Variants in ROBO2 observed in about 807,000 individuals in gnomAD.
ROBO2 encodes the protein roundabout homolog 2.
In ROBO2, 53 loss-of-function variants were observed where a neutral mutation model predicts 160.8. That is an observed-to-expected ratio of 0.33 (90% CI 0.26 to 0.41). The LOEUF (loss-of-function observed/expected upper bound fraction) is 0.41. ROBO2 is among the 10% of genes least tolerant of loss of function. The probability of loss-of-function intolerance (pLI) is 1.00; values close to 1 mark genes in which losing one functional copy is unlikely to be tolerated. For missense variants in ROBO2, 1,577 were observed against 1,722.4 expected (o/e 0.92, Z 1.49); for synonymous variants, 664 against 611.7 (o/e 1.09, Z -1.26).
chr3:76,706,902 G>A (rs2093174298), intron 2 of ROBO2, among the ~76,000 whole-genome samples: 2 of 152,048 alleles, frequency 1.3e-5, no homozygotes, highest in African/African-American at 2.4e-5. Flanking sequence ...AAACCAATGT[G>A]ATAAGTTAAT....
chr3:76,927,028 A>G (rs978450235), intron 2 of ROBO2, among the ~76,000 whole-genome samples: 1 of 152,160 alleles, frequency 6.6e-6, no homozygotes, highest in Non-Finnish European at 1.5e-5. Flanking sequence ...GGAACACATG[A>G]GATTACTGAC....
chr3:76,721,443 T>C (rs534464336), intron 2 of ROBO2, among the ~76,000 whole-genome samples: 60 of 152,334 alleles, frequency 3.9e-4, no homozygotes, highest in African/African-American at 1.3e-3. Context: ...TGTGATATAT[T>C]AGTAGTCAGA....
At chr3:76,298,180 G>A (rs1018752979) in intron 2 of ROBO2, among the ~76,000 whole-genome samples, 2 of 152,152 alleles carry the variant, frequency 1.3e-5, no homozygotes, top group Non-Finnish European at 2.9e-5. Flanking sequence ...TTAGCAAAAT[G>A]TAGTGACTAT....
At chr3:76,131,400 C>G (rs529418765) in intron 2 of ROBO2, among the ~76,000 whole-genome samples, 27 of 152,106 alleles carry the variant, frequency 1.8e-4, no homozygotes, top group Middle Eastern at 6.9e-3. Flanking sequence ...TACGACTGTT[C>G]CTTAGGTCAA....
At chr3:76,190,931 G>C (rs1318739577) in intron 2 of ROBO2, among the ~76,000 whole-genome samples, 6 of 151,982 alleles carry the variant, frequency 3.9e-5, no homozygotes. Flanking sequence ...TGATTGCTTA[G>C]ACTTTTTTGT....
At chr3:76,670,345 C>A (rs1398124146) in intron 2 of ROBO2, among the ~76,000 whole-genome samples, 1 of 146,466 alleles carries the variant, frequency 6.8e-6, no homozygotes, top group African/African-American at 2.5e-5. Flanking sequence ...ATAGTAGTTT[C>A]TTTCAGGTGT....
chr3:76,495,663 A>AC (rs1314423684), intron 2 of ROBO2, among the ~76,000 whole-genome samples: 4 of 152,112 alleles, frequency 2.6e-5, no homozygotes, highest in Non-Finnish European at 5.9e-5. Flanking sequence ...AGAAACATGG[A>AC]CAACAAGGTA....
intron 2 of ROBO2, among the ~76,000 whole-genome samples, chr3:76,217,731 G>C (rs921271747): frequency 2.6e-5 from 4 of 152,148 alleles, no homozygotes; most frequent in African/African-American, 9.7e-5. Context: ...TCTACCAGAG[G>C]TACAAGGAGG....
intron 2 of ROBO2, among the ~76,000 whole-genome samples, chr3:76,122,212 T>C (rs2675409): frequency 0.028 from 4,265 of 151,964 alleles, 162 homozygotes; most frequent in African/African-American, 0.082. Context: ...TTAGAGTCAG[T>C]CAAACATGAA....
intron 2 of ROBO2, among the ~76,000 whole-genome samples, chr3:76,806,200 T>G (rs2064690822): frequency 7.4e-6 from 1 of 134,422 alleles, no homozygotes; most frequent in Non-Finnish European, 1.6e-5. Flanking sequence ...GGGTGTTTGT[T>G]TATTTTCTGT....
chr3:77,325,319 C>A (rs2065267557), intron 2 of ROBO2, among the ~76,000 whole-genome samples: 1 of 152,224 alleles, frequency 6.6e-6, no homozygotes, highest in South Asian at 2.1e-4. Flanking sequence ...GCCACCTTAG[C>A]TGTTCTGCTT....
intron 2 of ROBO2, among the ~76,000 whole-genome samples, chr3:77,179,864 A>G (rs1279478700): frequency 6.6e-6 from 1 of 152,094 alleles, no homozygotes; most frequent in Non-Finnish European, 1.5e-5. Flanking sequence ...GCGGTTCTGG[A>G]TGTACTCTGT....
At chr3:77,584,823 G>A (rs904036782) in intron 16 of ROBO2, among the ~76,000 whole-genome samples, 1 of 151,586 alleles carries the variant, frequency 6.6e-6, no homozygotes, top group South Asian at 2.1e-4. Context: ...ACTTACATGT[G>A]TGTGTATTCA....
intron 2 of ROBO2, among the ~76,000 whole-genome samples, chr3:76,147,497 C>T (rs1007732889): frequency 6.6e-6 from 1 of 151,886 alleles, no homozygotes; most frequent in African/African-American, 2.4e-5. Flanking sequence ...ATATAATTAG[C>T]AAAAACAGTT....
At chr3:77,126,425 A>G (rs981852557) in intron 2 of ROBO2, among the ~76,000 whole-genome samples, 4 of 152,230 alleles carry the variant, frequency 2.6e-5, no homozygotes, top group African/African-American at 9.6e-5. Context: ...GTGTAAGAGA[A>G]AAACAGTGCC....
At chr3:76,413,287 G>T (rs1320757274) in intron 2 of ROBO2, among the ~76,000 whole-genome samples, 1 of 152,194 alleles carries the variant, frequency 6.6e-6, no homozygotes, top group East Asian at 1.9e-4. Flanking sequence ...TTTTCACCAT[G>T]GTCTTGGGGA....
At chr3:76,435,467 G>A (rs1175404937) in intron 2 of ROBO2, 21 of 737,230 alleles carry the variant, frequency 2.8e-5, no homozygotes, top group African/African-American at 1.4e-4. Context: ...CCTTCACACC[G>A]TGGGATAAAT....
At chr3:77,030,036 C>T (rs1037138127) in intron 2 of ROBO2, among the ~76,000 whole-genome samples, 45 of 152,128 alleles carry the variant, frequency 3.0e-4, no homozygotes, top group Non-Finnish European at 4.4e-4. Flanking sequence ...AGCTCCGCCT[C>T]CCAGTTCACG....
chr3:76,762,645 C>T (rs1452727927), intron 2 of ROBO2, among the ~76,000 whole-genome samples: 2 of 151,628 alleles, frequency 1.3e-5, no homozygotes, highest in Non-Finnish European at 3.0e-5. Context: ...TCAGAATATA[C>T]ACTTCACGTT....
Sources: allele counts gnomAD v4.1 joint callset (sites outside exome capture counted in the v4.1 genomes callset), GRCh38; gene constraint gnomAD v4.1.1; transcripts MANE v1.5; gene names NCBI Gene and HGNC (gene_info 2026-07-23, HGNC 2026-07-21).